The following PTPRD variants were observed in gnomAD, a reference collection of about 807,000 sequenced individuals.
PTPRD encodes the protein receptor-type tyrosine-protein phosphatase delta.
A neutral mutation model predicts 214.5 loss-of-function variants in PTPRD; 34 were observed. That is an observed-to-expected ratio of 0.16 (90% CI 0.12 to 0.21). The LOEUF (loss-of-function observed/expected upper bound fraction) is 0.21, where lower values mean the gene tolerates loss of function less well. PTPRD is among the 10% of genes least tolerant of loss of function. PTPRD has a pLI of 1.00. For synonymous variants in PTPRD, 1,128 were observed against 845.7 expected, an observed-to-expected ratio of 1.33 and a Z score of -5.79; for missense variants, 2,545 against 2,398.7, an observed-to-expected ratio of 1.06 and a Z score of -1.27.
chr9:9,843,331 A>C (rs1025063460), intron 5 of PTPRD, among the ~76,000 whole-genome samples: 2 of 152,068 alleles, frequency 1.3e-5, no homozygotes, highest in African/African-American at 4.8e-5. Flanking sequence ...AGCTAACAAA[A>C]AAAGGTGCAA....
chr9:10,268,080 C>T (rs1045542090), intron 3 of PTPRD, among the ~76,000 whole-genome samples: 5 of 150,508 alleles, frequency 3.3e-5, no homozygotes, highest in African/African-American at 1.2e-4. Context: ...GAGTTCAAGA[C>T]CAACCTAAGC....
intron 36 of PTPRD, among the ~76,000 whole-genome samples, chr9:8,403,418 A>G (rs749565344): frequency 1.3e-5 from 2 of 152,236 alleles, no homozygotes; most frequent in African/African-American, 4.8e-5. Flanking sequence ...TGAACATGGC[A>G]TGTGCCAAGG....
chr9:9,812,893 C>G (rs182916192), intron 5 of PTPRD, among the ~76,000 whole-genome samples: 3 of 151,920 alleles, frequency 2.0e-5, no homozygotes, highest in Non-Finnish European at 2.9e-5. Context: ...TAAATCTGAG[C>G]AAATTTAAGA....
chr9:10,294,991 A>G (rs767231353), intron 3 of PTPRD, among the ~76,000 whole-genome samples: 10 of 151,976 alleles, frequency 6.6e-5, no homozygotes, highest in Non-Finnish European at 1.3e-4. Flanking sequence ...AGTCAGATGG[A>G]TTTTTCTCAA....
chr9:9,720,486 A>C (rs1005484550), intron 7 of PTPRD, among the ~76,000 whole-genome samples: 18 of 152,206 alleles, frequency 1.2e-4, no homozygotes, highest in African/African-American at 4.3e-4. Flanking sequence ...GTCAGAAGTT[A>C]GGACAGACTT....
At chr9:9,234,912 T>C (rs1454360587) in intron 9 of PTPRD, among the ~76,000 whole-genome samples, 1 of 152,214 alleles carries the variant, frequency 6.6e-6, no homozygotes, top group Non-Finnish European at 1.5e-5. Flanking sequence ...CCTCTGACTG[T>C]TACCCATTTC....
intron 14 of PTPRD, among the ~76,000 whole-genome samples, chr9:8,632,533 T>C (rs960491535): frequency 6.6e-6 from 1 of 151,914 alleles, no homozygotes; most frequent in Non-Finnish European, 1.5e-5. Flanking sequence ...CACAGAATAG[T>C]TAATCTGGAA....
intron 5 of PTPRD, among the ~76,000 whole-genome samples, chr9:9,884,996 G>C (rs981043255): frequency 6.6e-6 from 1 of 152,034 alleles, no homozygotes; most frequent in Non-Finnish European, 1.5e-5. Flanking sequence ...TTTCAGAAAA[G>C]CAAAGAAAAC....
chr9:8,698,060 A>G (rs2097965459), intron 12 of PTPRD, among the ~76,000 whole-genome samples: 1 of 152,114 alleles, frequency 6.6e-6, no homozygotes, highest in Admixed American at 6.5e-5. Context: ...ATTCAGTATA[A>G]ATTTGTGAAA....
chr9:8,939,307 A>G (rs1013132584), intron 11 of PTPRD, among the ~76,000 whole-genome samples: 3 of 152,164 alleles, frequency 2.0e-5, no homozygotes, highest in Non-Finnish European at 4.4e-5. Context: ...GAAAATACCT[A>G]GAACATTTTT....
intron 3 of PTPRD, among the ~76,000 whole-genome samples, chr9:10,175,316 TA>T: frequency 6.6e-6 from 1 of 152,082 alleles, no homozygotes; most frequent in East Asian, 1.9e-4. Context: ...GAAGTCATGT[TA>T]AGAAAAAGCA....
intron 7 of PTPRD, among the ~76,000 whole-genome samples, chr9:9,688,911 G>C (rs1564554798): frequency 6.6e-6 from 1 of 151,702 alleles, no homozygotes; most frequent in Admixed American, 6.6e-5. Context: ...CTAATAGATG[G>C]ATATGTGAAT....
At chr9:9,309,151 TTCATGTTGTC>T (rs1278937594) in intron 9 of PTPRD, among the ~76,000 whole-genome samples, 1 of 152,032 alleles carries the variant, frequency 6.6e-6, no homozygotes, top group Non-Finnish European at 1.5e-5. Context: ...TATCATGAAG[TTCATGTTGTC>T]TAAGATGTAG....
At chr9:9,655,118 T>A (rs1348793871) in intron 7 of PTPRD, among the ~76,000 whole-genome samples, 1 of 152,120 alleles carries the variant, frequency 6.6e-6, no homozygotes, top group East Asian at 1.9e-4. Flanking sequence ...TAAATTGGTA[T>A]CATAACACAC....
intron 11 of PTPRD, among the ~76,000 whole-genome samples, chr9:8,941,415 G>A (rs573272891): frequency 6.6e-6 from 1 of 152,202 alleles, no homozygotes; most frequent in South Asian, 2.1e-4. Flanking sequence ...ACATATGTGT[G>A]TGTGTATATA....
intron 14 of PTPRD, among the ~76,000 whole-genome samples, chr9:8,568,157 T>C (rs973390368): frequency 6.6e-5 from 10 of 152,178 alleles, no homozygotes; most frequent in African/African-American, 2.4e-4. Flanking sequence ...GATTTTGGTT[T>C]AGTCAGCAAA....
At chr9:10,001,092 G>C (rs1172553610) in intron 4 of PTPRD, among the ~76,000 whole-genome samples, 1 of 151,704 alleles carries the variant, frequency 6.6e-6, no homozygotes, top group African/African-American at 2.4e-5. Context: ...CTTCTTTCTT[G>C]ACTATTAAAT....
chr9:10,077,896 T>A (rs1464697497), intron 3 of PTPRD, among the ~76,000 whole-genome samples: 4 of 152,206 alleles, frequency 2.6e-5, no homozygotes, highest in Non-Finnish European at 5.9e-5. Context: ...CTGTTCATTC[T>A]GGTTTTGGTA....
Position 8,499,682 on chromosome 9 carries a change from GC to G in PTPRD, c.2286del (p.Gln762HisfsTer4). ...GCCAGCATGACATCTTTCAGCATGG[GC>G]TGGCCCTTGGGCTCACCATTTTCCA... is the stretch of plus-strand genomic sequence containing the variant. ...VRMENGEPKG[Q>X]PMLKDVMLAD... On this transcript the variant is annotated frameshift_variant, in exon 25 of 46. Coordinates refer to ENST00000381196, the MANE Select transcript of PTPRD (RefSeq NM_002839.4). LOFTEE classifies it high-confidence loss of function. 1 of 1,613,804 alleles carries G rather than the reference GC, an allele frequency of 6.2e-7. No individual in the cohort carries two copies. Among genetic ancestry groups the G allele is most frequent in the Non-Finnish European group, 8.5e-7 (1 of 1,179,854 alleles).
Sources: allele counts gnomAD v4.1 joint callset (sites outside exome capture counted in the v4.1 genomes callset), GRCh38; gene constraint gnomAD v4.1.1; transcripts MANE v1.5; gene names NCBI Gene and HGNC (gene_info 2026-07-23, HGNC 2026-07-21).